ZNF100: variants seen among roughly 807,000 people sequenced by gnomAD.
The protein encoded by ZNF100 is zinc finger protein 100, also known as zinc finger protein 100 (Y1).
A neutral mutation model predicts 15.8 loss-of-function variants in ZNF100; 12 were observed. The ratio of observed to expected loss-of-function variants is 0.76; its 90% CI spans 0.49 to 1.23. The LOEUF (loss-of-function observed/expected upper bound fraction) is 1.23. Among genes scored for constraint, ZNF100 ranks in the 50% most tolerant of loss-of-function variants. The pLI is 0.00. For synonymous variants in ZNF100, 226 were observed against 214.8 expected, an observed-to-expected ratio of 1.05 and a Z score of -0.45; for missense variants, 670 against 635.6, an observed-to-expected ratio of 1.05 and a Z score of -0.58.
In ZNF100 at chr19:21,726,635, TTA is replaced by T. The variant is rs147762147; in HGVS notation, c.*46_*47del. The stretch of plus-strand genomic sequence containing the variant: ...GGAGTTCCCTCCAGTATGAATTTTT[TTA>T]TGTTTAGTAAGAGTTGAGGACTGGT... On this transcript the variant is annotated 3_prime_UTR_variant, in exon 5 of 5. Coordinates refer to ENST00000358296, the MANE Select transcript of ZNF100 (RefSeq NM_173531.4). 0.082 allele frequency: 125,603 copies of T among 1,523,230 alleles called. 5,622 individuals are homozygous for T. Among genetic ancestry groups the T allele is most frequent in the Middle Eastern group, 0.11 (636 of 5,680 alleles). 94.4% of individuals were successfully genotyped at this position (1,523,230 alleles called of 1,614,324 possible).
chr19:21,763,605 G>C (rs1471940531), intron 2 of ZNF100, among the ~76,000 whole-genome samples: 1 of 152,074 alleles, frequency 6.6e-6, no homozygotes, highest in Non-Finnish European at 1.5e-5. Flanking sequence ...AAAAAAATCA[G>C]CTAAATTTGT....
chr19:21,759,582 A>C (rs1313289453), intron 2 of ZNF100, among the ~76,000 whole-genome samples: 1 of 152,202 alleles, frequency 6.6e-6, no homozygotes, highest in African/African-American at 2.4e-5. Flanking sequence ...ATGAGACTGG[A>C]GGTCAGCACA....
At chr19:21,745,214 GAAATATTCTCTA>G in intron 2 of ZNF100, 147 bp from the exon 3 acceptor site, 1 of 1,295,320 alleles carries the variant, frequency 7.7e-7, no homozygotes, top group Non-Finnish European at 1.0e-6. Context: ...TTTTAACACA[GAAATATTCTCTA>G]AAATATTCTC....
intron 2 of ZNF100, chr19:21,751,298 A>G (rs2036303160): frequency 2.1e-6 from 2 of 965,500 alleles, no homozygotes; most frequent in Admixed American, 1.7e-5. Flanking sequence ...ATATTACCAC[A>G]TAAAGAACAG....
At chr19:21,753,610 AG>A (rs1238301894) in intron 2 of ZNF100, 11 of 152,176 alleles carry the variant, frequency 7.2e-5, no homozygotes, top group Non-Finnish European at 1.0e-4. Flanking sequence ...CATTCAGGCA[AG>A]GTTTTATGAA....
intron 2 of ZNF100, chr19:21,751,931 AG>A (rs1347524913): frequency 3.8e-6 from 2 of 528,528 alleles, no homozygotes; most frequent in Non-Finnish European, 6.9e-6. Context: ...GGGAGAAATG[AG>A]GGGTTATAAT....
intron 2 of ZNF100, among the ~76,000 whole-genome samples, chr19:21,760,310 T>C (rs908935273): frequency 6.6e-6 from 1 of 151,912 alleles, no homozygotes; most frequent in Non-Finnish European, 1.5e-5. Context: ...CTGTCCAACA[T>C]GGTGAAACCC....
At chr19:21,739,005 G>A (rs1029703392) in intron 4 of ZNF100, among the ~76,000 whole-genome samples, 3 of 152,146 alleles carry the variant, frequency 2.0e-5, no homozygotes, top group Non-Finnish European at 4.4e-5. Context: ...TTAATGAAGT[G>A]TAAACTTTCT....
At chr19:21,742,189 C>T (rs1278470185) in intron 4 of ZNF100, among the ~76,000 whole-genome samples, 5 of 151,206 alleles carry the variant, frequency 3.3e-5, no homozygotes, top group African/African-American at 9.7e-5. Context: ...CCCAGCTACT[C>T]GGGACGCTGA....
intron 4 of ZNF100, among the ~76,000 whole-genome samples, chr19:21,733,293 G>C (rs1212287917): frequency 7.4e-6 from 1 of 134,924 alleles, no homozygotes; most frequent in African/African-American, 2.9e-5. Context: ...AAGATAATAT[G>C]GTTTTTAATA....
chr19:21,742,513 A>C (rs2036135058), intron 4 of ZNF100, among the ~76,000 whole-genome samples: 1 of 151,752 alleles, frequency 6.6e-6, no homozygotes, highest in African/African-American at 2.4e-5. Flanking sequence ...AAAAACAAAA[A>C]ACAAAAAACA....
chr19:21,767,553 G>A lies in ZNF100; in HGVS notation c.-124C>T, dbSNP rs991914828. 1.6e-5 allele frequency: 23 copies of A among 1,427,838 alleles called. No homozygotes were observed. In the African/African-American group the frequency reaches 2.0e-4, roughly 13 times the overall value. The allele number at this position is 1,427,838 out of a possible 1,614,324, so 88.4% of individuals were successfully genotyped here. ...CAGAGAAGTGAGAGCAAAACCTGGA[G>A]CTCCGGCTACAGCGAGAGACAAAGA... On this transcript the variant is annotated 5_prime_UTR_variant, in exon 1 of 5. Transcript: ENST00000358296.
chr19:21,734,968 G>A (rs1299581679), intron 4 of ZNF100, among the ~76,000 whole-genome samples: 1 of 152,154 alleles, frequency 6.6e-6, no homozygotes, highest in Non-Finnish European at 1.5e-5. Flanking sequence ...CATAGTGAAG[G>A]AGAAATGAAA....
intron 2 of ZNF100, among the ~76,000 whole-genome samples, chr19:21,761,980 A>G (rs11671415): frequency 0.96 from 145,436 of 152,274 alleles, 69,543 homozygotes; most frequent in Middle Eastern, 0.99. Context: ...CACTTGGGAG[A>G]CCAAGGCAGG....
Position 21,726,515 on chromosome 19 carries a change from T to A in ZNF100, c.*168A>T. On this transcript the variant is annotated 3_prime_UTR_variant, in exon 5 of 5. Coordinates refer to ENST00000358296, the MANE Select transcript of ZNF100 (RefSeq NM_173531.4). ...TGTTTTCAAAGCACTGTCACATCTT[T>A]CTGGTTTGTAGAATTTCTCTCTAGT... The A allele has an allele frequency of 1.6e-6, 1 of 635,212 alleles. No homozygotes were observed. The highest frequency in any genetic ancestry group is 3.0e-5 in the South Asian group (1 of 33,184). 39.3% of individuals were successfully genotyped at this position (635,212 alleles called of 1,614,324 possible). A position where few individuals can be genotyped will look rare whatever the true frequency, so the allele number is the denominator to read the frequency against.
At chr19:21,748,140 A>T (rs1274058114) in intron 2 of ZNF100, among the ~76,000 whole-genome samples, 1 of 152,226 alleles carries the variant, frequency 6.6e-6, no homozygotes, top group African/African-American at 2.4e-5. Flanking sequence ...TTCTGTAAGC[A>T]CTGGTTTTAA....
Position 21,744,072 on chromosome 19 carries a change from C to T in ZNF100, c.267G>A (p.Glu89=). ...LTKPDLITCL[E]QGKEPWNIKR... Reference sequence around the variant, plus strand: ...TTATATTCCAGGGCTCTTTTCCTTGCTCCAGACAGGTGATCAGGTCTGGCT... The same window carrying T: ...TTATATTCCAGGGCTCTTTTCCTTGTTCCAGACAGGTGATCAGGTCTGGCT... The change falls in exon 4 of 5, where the codon GAG becomes GAA. Residue 89 remains glutamate (E), a synonymous_variant. Coordinates refer to ENST00000358296, the MANE Select transcript of ZNF100 (RefSeq NM_173531.4). The T allele has an allele frequency of 1.2e-6, 2 of 1,612,336 alleles. No individual in the cohort carries two copies. Among genetic ancestry groups the T allele is most frequent in the East Asian group, 2.2e-5 (1 of 44,818 alleles).
Position 21,751,427 on chromosome 19 carries a change from C to T in ZNF100, c.97-6360G>A, listed in dbSNP as rs1169283044. 3.7e-5 allele frequency: 31 copies of T among 837,564 alleles called. No individual in the cohort carries two copies. In the Admixed American group the frequency reaches 5.1e-4, roughly 14 times the overall value. 51.9% of individuals were successfully genotyped at this position (837,564 alleles called of 1,614,324 possible). A position where few individuals can be genotyped will look rare whatever the true frequency, so the allele number is the denominator to read the frequency against. ...GCACAAATTTATTTACAGATTTGTT[C>T]ATACTCTTTTTAGTGCTGCACAGCT... On this transcript the variant is annotated intron_variant, in intron 2 of 4. Transcript: ENST00000358296.
intron 2 of ZNF100, among the ~76,000 whole-genome samples, chr19:21,748,654 T>C (rs574661199): frequency 6.6e-6 from 1 of 152,294 alleles, no homozygotes; most frequent in South Asian, 2.1e-4. Flanking sequence ...TCCCTTCAGG[T>C]GATAACCTCA....
Sources: gnomAD v4.1 joint callset for allele counts (sites outside exome capture counted in the v4.1 genomes callset) on GRCh38, gnomAD v4.1.1 for gene constraint, MANE v1.5 for transcripts, NCBI Gene and HGNC (gene_info 2026-07-23, HGNC 2026-07-21) for gene names.